Variants in SLK observed in about 807,000 individuals in gnomAD.
SLK encodes the protein STE20 like kinase.
In SLK, 67 loss-of-function variants were observed where a neutral mutation model predicts 147.7. The observed-to-expected ratio is 0.45, with a 90% CI of 0.37 to 0.56. SLK has a LOEUF of 0.56. SLK is among the 20% of genes least tolerant of loss of function. The pLI is 0.00. For synonymous variants in SLK, 441 were observed against 475.0 expected (o/e 0.93, Z 0.93); for missense variants, 1,136 against 1,438.8 (o/e 0.79, Z 3.41).
rs1461592067 is a variant in SLK at position 103,994,467 on chromosome 10, A to G, written c.514+1334A>G. ...TTGCTCATATAAAACTTGGGTTTTT[A>G]AAGTCTCTTAACTTACAGGCCTTCC... On this transcript the variant is annotated intron_variant, in intron 4 of 18. Coordinates refer to ENST00000369755, the MANE Select transcript of SLK (RefSeq NM_014720.4). Among the ~76,000 whole-genome samples, 11 of 152,278 alleles carry G rather than the reference A, an allele frequency of 7.2e-5. 1 individual carries two copies. In the East Asian group the frequency reaches 2.1e-3, roughly 29 times the overall value.
At chr10:103,986,682 T>G (rs1450892450) in intron 1 of SLK, among the ~76,000 whole-genome samples, 2 of 142,724 alleles carry the variant, frequency 1.4e-5, no homozygotes, top group African/African-American at 5.1e-5. Flanking sequence ...TTTTTTTTTT[T>G]TTTTTTTTTT....
chr10:103,992,139 C>CTTTTTTTTTTTTTTT (rs1589532495), intron 2 of SLK, among the ~76,000 whole-genome samples: 2 of 18,198 alleles, frequency 1.1e-4, no homozygotes, highest in Admixed American at 1.6e-3. Flanking sequence ...GGTATTTCTT[C>CTTTTTTTTTTTTTTT]TGTTTTTTTT....
chr10:104,004,089 A>T (rs531650334), intron 9 of SLK, among the ~76,000 whole-genome samples: 1 of 88,210 alleles, frequency 1.1e-5, no homozygotes, highest in Non-Finnish European at 2.2e-5. Flanking sequence ...CACTATTTGT[A>T]AAAAAAAAAG....
At chr10:104,012,136 TA>T (rs1425907288) in intron 13 of SLK, among the ~76,000 whole-genome samples, 1 of 152,178 alleles carries the variant, frequency 6.6e-6, no homozygotes, top group Non-Finnish European at 1.5e-5. Context: ...GTGGATTTTA[TA>T]GACCCATAAA....
At chr10:104,015,004 T>C (rs1212733523) in intron 13 of SLK, among the ~76,000 whole-genome samples, 1 of 152,146 alleles carries the variant, frequency 6.6e-6, no homozygotes, top group Non-Finnish European at 1.5e-5. Context: ...TGAATGTTAT[T>C]GTATTTGGCT....
chr10:103,973,235 AT>A (rs200721101), intron 1 of SLK, among the ~76,000 whole-genome samples: 1 of 152,074 alleles, frequency 6.6e-6, no homozygotes, highest in African/African-American at 2.4e-5. Flanking sequence ...GTCCAGTTTC[AT>A]TTTTTTCCCC....
rs779577711 is a variant in SLK, at chr10:104,020,499, A to G, written c.3333A>G (p.Gln1111=). The G allele has an allele frequency of 1.9e-6, 3 of 1,613,006 alleles. No individual in the cohort carries two copies. The highest frequency in any genetic ancestry group is 2.5e-6 in the Non-Finnish European group (3 of 1,179,522). ...TTTCTTATTTATAGTTTGCTGCACA[A>G]GAAGAAAAGAGGCAGAAAAATGAGA... The part of the protein sequence containing the change: ...DRDKIKQFAA[Q]EEKRQKNERM... The change falls in exon 17 of 19, where the codon CAA becomes CAG. Residue 1111 remains glutamine (Q), a synonymous_variant. Coordinates refer to ENST00000369755, the MANE Select transcript of SLK (RefSeq NM_014720.4).
At chr10:104,007,947 G>A (rs933239179) in intron 11 of SLK, among the ~76,000 whole-genome samples, 2 of 151,976 alleles carry the variant, frequency 1.3e-5, no homozygotes, top group African/African-American at 2.4e-5. Context: ...GTGAGACCCT[G>A]TCTCTAATAA....
chr10:103,985,646 C>T (rs1190170814), intron 1 of SLK, among the ~76,000 whole-genome samples: 2 of 152,042 alleles, frequency 1.3e-5, no homozygotes, highest in African/African-American at 2.4e-5. Context: ...TGACTAACAC[C>T]TCTGTGGGAC....
intron 18 of SLK, among the ~76,000 whole-genome samples, chr10:104,024,018 A>G (rs1340720068): frequency 6.6e-6 from 1 of 151,872 alleles, no homozygotes; most frequent in African/African-American, 2.4e-5. Context: ...ATGTTCCTTC[A>G]TCTCCATCTC....
intron 6 of SLK, 131 bp downstream of exon 6, chr10:103,999,444 A>G: frequency 1.5e-6 from 1 of 684,158 alleles, no homozygotes; most frequent in Non-Finnish European, 2.4e-6. Flanking sequence ...ATGAATTAGA[A>G]AAGTGATTTT....
chr10:104,025,477 G>C, intron 18 of SLK, 97 bp from the exon 19 acceptor site: 1 of 1,195,952 alleles, frequency 8.4e-7, no homozygotes. Context: ...TATATACAAA[G>C]AAAGTGTTTT....
intron 1 of SLK, among the ~76,000 whole-genome samples, chr10:103,976,155 G>A (rs1843867608): frequency 6.6e-6 from 1 of 151,966 alleles, no homozygotes; most frequent in South Asian, 2.1e-4. Flanking sequence ...TGCCCACCTC[G>A]GCCTCCCAAA....
At chr10:103,996,750 C>T (rs1321165271) in intron 4 of SLK, among the ~76,000 whole-genome samples, 1 of 152,094 alleles carries the variant, frequency 6.6e-6, no homozygotes, top group Non-Finnish European at 1.5e-5. Flanking sequence ...CCGCCCCCGA[C>T]AGGAAAGTTT....
intron 9 of SLK, 101 bp from the exon 10 acceptor site, chr10:104,005,460 G>A (rs1250896322): frequency 1.0e-5 from 11 of 1,071,904 alleles, no homozygotes; most frequent in Non-Finnish European, 1.5e-5. Flanking sequence ...CTGTTCAGTT[G>A]TTTTGTTTTA....
At chr10:103,989,883 C>G (rs1021807758) in intron 1 of SLK, among the ~76,000 whole-genome samples, 1 of 152,180 alleles carries the variant, frequency 6.6e-6, no homozygotes, top group Non-Finnish European at 1.5e-5. Flanking sequence ...GAAACCCGCA[C>G]ATACATGTTT....
chr10:103,968,661 A>G (rs1237089559), intron 1 of SLK, among the ~76,000 whole-genome samples: 4 of 152,204 alleles, frequency 2.6e-5, no homozygotes, highest in Non-Finnish European at 5.9e-5. Context: ...CTGAAGGGCG[A>G]ATTTTTTATG....
At chr10:104,001,310 T>C (rs1224256420) in intron 7 of SLK, 134 bp from the exon 8 acceptor site, 3 of 669,558 alleles carry the variant, frequency 4.5e-6, no homozygotes, top group African/African-American at 3.6e-5. Context: ...GATGTAGCAT[T>C]ATCTGAAGTT....
intron 13 of SLK, among the ~76,000 whole-genome samples, chr10:104,011,856 G>A (rs960001482): frequency 6.6e-6 from 1 of 152,090 alleles, no homozygotes; most frequent in African/African-American, 2.4e-5. Flanking sequence ...CACCACCACC[G>A]GCTTGGTGAA....
Sources: allele counts gnomAD v4.1 joint callset (sites outside exome capture counted in the v4.1 genomes callset), GRCh38; gene constraint gnomAD v4.1.1; transcripts MANE v1.5; gene names NCBI Gene and HGNC (gene_info 2026-07-23, HGNC 2026-07-21).